PKD1L1: variants seen among roughly 807,000 people sequenced by gnomAD.
PKD1L1 encodes the protein polycystin-1-like protein 1.
In PKD1L1, 236 loss-of-function variants were observed where a neutral mutation model predicts 323.4. The observed-to-expected ratio is 0.73, with a 90% CI of 0.66 to 0.81. The LOEUF is 0.81. PKD1L1 is among the 40% of genes least tolerant of loss of function. PKD1L1 has a pLI of 0.00. For synonymous variants in PKD1L1, 1,344 were observed against 1,335.0 expected, an observed-to-expected ratio of 1.01 and a Z score of -0.15; for missense variants, 3,320 against 3,508.0, an observed-to-expected ratio of 0.95 and a Z score of 1.35.
At chr7:47,843,627 TG>T (rs1485125039) in intron 33 of PKD1L1, among the ~76,000 whole-genome samples, 1 of 152,184 alleles carries the variant, frequency 6.6e-6, no homozygotes, top group African/African-American at 2.4e-5. Context: ...ACCCTGCCTG[TG>T]CCTCCCACCG....
In PKD1L1 at chr7:47,802,713, G is replaced by A. The variant is rs74870840; in HGVS notation, c.7962+497C>T. On this transcript the variant is annotated intron_variant, in intron 53 of 56. Coordinates refer to ENST00000289672, the MANE Select transcript of PKD1L1 (RefSeq NM_138295.5). ...AGGAACTTCATCAGGGCTCCAAGCT[G>A]TACTCTGTACCTGTTGATTCGGAGC... Among the ~76,000 whole-genome samples, 691 of 152,340 alleles carry A rather than the reference G, an allele frequency of 4.5e-3. 3 individuals are homozygous for A. The highest frequency in any genetic ancestry group is 4.0e-3 in the Non-Finnish European group (274 of 68,042).
rs568954961 is a variant in PKD1L1, at chr7:47,840,072, G to A, written c.5552+389C>T. ...TCAGTCCTTTCATATTTTCTAAGAC[G>A]CCAGGTGCTTGCATCCTATCTTGTT... On this transcript the variant is annotated intron_variant, in intron 35 of 56. Coordinates refer to ENST00000289672, the MANE Select transcript of PKD1L1 (RefSeq NM_138295.5). The surrounding 1 kb of genome is among the most constrained non-coding windows in gnomAD (Gnocchi z 4.1). 3.3e-5 allele frequency among the ~76,000 whole-genome samples: 5 copies of A among 152,052 alleles called. No homozygotes were observed. The highest frequency in any genetic ancestry group is 7.3e-5 in the Non-Finnish European group (5 of 68,028).
chr7:47,898,765 C>T (rs1787015030), intron 13 of PKD1L1, among the ~76,000 whole-genome samples: 1 of 152,100 alleles, frequency 6.6e-6, no homozygotes, highest in Non-Finnish European at 1.5e-5. Context: ...CACAACACTA[C>T]TATCTCACCT....
Position 47,873,933 on chromosome 7 carries a change from G to A in PKD1L1, c.3862C>T (p.Arg1288Cys), listed in dbSNP as rs374546648. ...CCCAGACAGTCATTTCCATGGTAGC[G>A]GGGCAGCACAGTCACCACCACAGTG... Reference protein sequence around the residue: ...PCTVVVTVLPRYHGNDCLGED... With the variant: ...PCTVVVTVLPCYHGNDCLGED... The change falls in exon 24 of 57, where the codon CGC (arginine) becomes TGC (cysteine). Residue 1288 changes from arginine to cysteine, a missense_variant. Coordinates refer to ENST00000289672, the MANE Select transcript of PKD1L1 (RefSeq NM_138295.5). 69 of 1,613,782 alleles carry A rather than the reference G, an allele frequency of 4.3e-5. No homozygotes were observed. The South Asian group carries it at 4.5e-4, about 11-fold the overall frequency.
chr7:47,780,529 G>A (rs1786668198), intron 56 of PKD1L1, among the ~76,000 whole-genome samples: 1 of 152,140 alleles, frequency 6.6e-6, no homozygotes, highest in African/African-American at 2.4e-5. Context: ...CTACTTGGGA[G>A]GCTGAAGCAT....
At chr7:47,886,317 G>T (rs564485973) in intron 17 of PKD1L1, among the ~76,000 whole-genome samples, 2 of 151,796 alleles carry the variant, frequency 1.3e-5, no homozygotes, top group South Asian at 2.1e-4. Flanking sequence ...TTCCAAGTCG[G>T]GGGGGAGGGA....
chr7:47,933,208 G>A (rs1787805633), intron 4 of PKD1L1, among the ~76,000 whole-genome samples: 1 of 149,206 alleles, frequency 6.7e-6, no homozygotes, highest in Admixed American at 6.7e-5. Context: ...TGCTATGTGG[G>A]TTCTAAACTG....
intron 14 of PKD1L1, among the ~76,000 whole-genome samples, chr7:47,896,367 G>T (rs1196377606): frequency 1.4e-5 from 2 of 146,302 alleles, no homozygotes; most frequent in African/African-American, 5.1e-5. Flanking sequence ...AGTCCGTTCT[G>T]TCAGTCTTAT....
chr7:47,912,913 A>G (rs1787353518), intron 8 of PKD1L1, among the ~76,000 whole-genome samples: 1 of 152,058 alleles, frequency 6.6e-6, no homozygotes, highest in Non-Finnish European at 1.5e-5. Flanking sequence ...CTGACTTTGG[A>G]ATCACCACAA....
intron 44 of PKD1L1, among the ~76,000 whole-genome samples, chr7:47,827,954 A>G (rs1036623844): frequency 6.6e-6 from 1 of 152,222 alleles, no homozygotes; most frequent in Non-Finnish European, 1.5e-5. Flanking sequence ...AAGTGAACTC[A>G]TTGTAGGTAT....
At chr7:47,883,997 A>C (rs1461687026) in intron 19 of PKD1L1, among the ~76,000 whole-genome samples, 1 of 152,184 alleles carries the variant, frequency 6.6e-6, no homozygotes, top group Non-Finnish European at 1.5e-5. Flanking sequence ...CTGAGTGCCA[A>C]TGTGCCAGGG....
At chr7:47,939,512 C>T (rs1787939361) in intron 3 of PKD1L1, among the ~76,000 whole-genome samples, 1 of 152,150 alleles carries the variant, frequency 6.6e-6, no homozygotes, top group Admixed American at 6.5e-5. Flanking sequence ...TCTCTCGGAC[C>T]CCACCCACAG....
At chr7:47,815,588 A>C in intron 46 of PKD1L1, 131 bp from the exon 47 acceptor site, 1 of 1,072,832 alleles carries the variant, frequency 9.3e-7, no homozygotes, top group Non-Finnish European at 1.3e-6. Context: ...AATTAAACTC[A>C]AGCTGCTTGC....
In PKD1L1 at chr7:47,866,528, C is replaced by G. The variant is rs140992543; in HGVS notation, c.3983G>C (p.Arg1328Thr). The change falls in exon 25 of 57, where the codon AGA becomes ACA. Residue 1328 changes from arginine (R) to threonine (T), a missense_variant. By Grantham distance (71) the Arg-to-Thr change is moderately conservative. Transcript: ENST00000289672. ...EIRNYITVITRILSRLSKEDK... is the reference protein window; with the variant it reads ...EIRNYITVITTILSRLSKEDK... The stretch of plus-strand genomic sequence containing the variant: ...CTCCTTAGACAAACGACTCAGGATT[C>G]TGGTGATCACAGTGATGTAGTTCCT... 35 of 1,613,924 alleles carry G rather than the reference C, an allele frequency of 2.2e-5. No individual in the cohort carries two copies. In the African/African-American group the frequency reaches 4.7e-4, roughly 22 times the overall value.
chr7:47,866,771 G>A (rs1562965068), intron 24 of PKD1L1, among the ~76,000 whole-genome samples, 157 bp from the exon 25 acceptor site: 1 of 152,122 alleles, frequency 6.6e-6, no homozygotes, highest in East Asian at 1.9e-4. Context: ...CTGTGCAACG[G>A]AAACTCTAAA....
chr7:47,902,822 C>T (rs1243253764), intron 12 of PKD1L1, among the ~76,000 whole-genome samples: 1 of 152,212 alleles, frequency 6.6e-6, no homozygotes, highest in Non-Finnish European at 1.5e-5. Flanking sequence ...GGGCAACCCT[C>T]CCCACAGCCA....
At chr7:47,868,200 T>C (rs957461570) in intron 24 of PKD1L1, among the ~76,000 whole-genome samples, 5 of 152,024 alleles carry the variant, frequency 3.3e-5, no homozygotes, top group African/African-American at 1.2e-4. Flanking sequence ...AAACCCCATC[T>C]CTACTAAAAA....
intron 22 of PKD1L1, 90 bp downstream of exon 22, chr7:47,877,399 C>T (rs1414941542): frequency 1.3e-6 from 2 of 1,516,224 alleles, no homozygotes; most frequent in Non-Finnish European, 1.8e-6. Flanking sequence ...AAGGACATTG[C>T]TGTCCATTCC....
At chr7:47,870,666 G>T (rs1786262849) in intron 24 of PKD1L1, among the ~76,000 whole-genome samples, 1 of 152,148 alleles carries the variant, frequency 6.6e-6, no homozygotes, top group African/African-American at 2.4e-5. Flanking sequence ...GTTTATAGAA[G>T]AATCACTACC....
Sources: gnomAD v4.1 joint callset for allele counts (sites outside exome capture counted in the v4.1 genomes callset) on GRCh38, gnomAD v4.1.1 for gene constraint, Gnocchi (gnomAD v3.1) non-coding constraint, MANE v1.5 for transcripts, NCBI Gene and HGNC (gene_info 2026-07-23, HGNC 2026-07-21) for gene names.